The following GOT1 variants were observed in gnomAD, a reference collection of about 807,000 sequenced individuals.
GOT1 encodes aspartate aminotransferase, cytoplasmic.
GOT1 carries 25 observed loss-of-function variants against 48.2 expected under a neutral mutation model. The observed-to-expected ratio is 0.52, with a 90% CI of 0.38 to 0.72. The LOEUF (loss-of-function observed/expected upper bound fraction) is 0.72. GOT1 is among the 30% of genes least tolerant of loss of function. The probability of loss-of-function intolerance (pLI) is 0.00; values close to 1 mark genes in which losing one functional copy is unlikely to be tolerated. For missense variants in GOT1, 380 were observed against 520.1 expected (o/e 0.73, Z 2.62); for synonymous variants, 188 against 193.8 (o/e 0.97, Z 0.25).
chr10:99,415,169 G>C (rs903322450), intron 2 of GOT1, among the ~76,000 whole-genome samples: 2 of 150,944 alleles, frequency 1.3e-5, no homozygotes, highest in African/African-American at 4.9e-5. Context: ...TTTTTGAAAA[G>C]ATCAACAAAA....
At chr10:99,401,884 T>A (rs933016867) in intron 8 of GOT1, among the ~76,000 whole-genome samples, 1 of 151,842 alleles carries the variant, frequency 6.6e-6, no homozygotes, top group Non-Finnish European at 1.5e-5. Context: ...CTCGACTCAC[T>A]GCAAGCTCTG....
At chr10:99,409,196 G>A (rs186809640) in intron 2 of GOT1, among the ~76,000 whole-genome samples, 42 of 151,748 alleles carry the variant, frequency 2.8e-4, no homozygotes, top group African/African-American at 8.7e-4. Context: ...GCAGTGGCAC[G>A]ATCTTGGCTT....
Position 99,397,404 on chromosome 10 carries a change from G to A in GOT1, c.*143C>T. On this transcript the variant is annotated 3_prime_UTR_variant, in exon 9 of 9. Coordinates refer to ENST00000370508, the MANE Select transcript of GOT1 (RefSeq NM_002079.3). The surrounding 1 kb of genome is among the most constrained non-coding windows in gnomAD (Gnocchi z 5.4). ...GGGATGTTCTCTTCATGTGGGGCCGGTTTAAACAGAGGCTGCCTCACCAGA... is the reference window on the plus strand; with the variant it reads ...GGGATGTTCTCTTCATGTGGGGCCGATTTAAACAGAGGCTGCCTCACCAGA... 1 of 860,446 alleles carries A rather than the reference G, an allele frequency of 1.2e-6. No homozygotes were observed. The highest frequency in any genetic ancestry group is 1.9e-6 in the Non-Finnish European group (1 of 526,370). The allele number at this position is 860,446 out of a possible 1,614,324, so 53.3% of individuals were successfully genotyped here. A position where few individuals can be genotyped will look rare whatever the true frequency, so the allele number is the denominator to read the frequency against.
chr10:99,411,093 A>T (rs1418250910), intron 2 of GOT1, among the ~76,000 whole-genome samples: 1 of 152,256 alleles, frequency 6.6e-6, no homozygotes, highest in Non-Finnish European at 1.5e-5. Context: ...CATCTGGCAC[A>T]TGGTACTACA....
chr10:99,419,623 G>T lies in GOT1; in HGVS notation c.300+1001C>A, dbSNP rs371037153. Among the ~76,000 whole-genome samples the T allele has an allele frequency of 3.5e-4, 54 of 152,280 alleles. 1 individual carries two copies. In the South Asian group the frequency reaches 0.01, roughly 29 times the overall value. On this transcript the variant is annotated intron_variant, in intron 2 of 8. Transcript: ENST00000370508. ...GGGAGTATTTAAAAAATATGCCCATGGGGGAGAAGAAAAGGGAGTGAAAGA... is the reference window on the plus strand; with the variant it reads ...GGGAGTATTTAAAAAATATGCCCATTGGGGAGAAGAAAAGGGAGTGAAAGA...
intron 4 of GOT1, 104 bp downstream of exon 4, chr10:99,406,033 T>A (rs2032750459): frequency 8.5e-6 from 7 of 828,086 alleles, no homozygotes; most frequent in Non-Finnish European, 1.1e-5. Context: ...CCATCAGGTA[T>A]GGGGAAGGTG....
At chr10:99,422,900 C>T (rs1362620253) in intron 1 of GOT1, among the ~76,000 whole-genome samples, 1 of 152,202 alleles carries the variant, frequency 6.6e-6, no homozygotes, top group African/African-American at 2.4e-5. Flanking sequence ...TCTTGTTGGA[C>T]ATTTGAGTTG....
In GOT1 at chr10:99,417,551, A is replaced by G. The variant is rs2032911739; in HGVS notation, c.300+3073T>C. Reference sequence around the variant, plus strand: ...TCCTCAGGGATCTAGAACTAGAAATACCATTTTCCCAGCCATCCCATTACT... The same window carrying G: ...TCCTCAGGGATCTAGAACTAGAAATGCCATTTTCCCAGCCATCCCATTACT... On this transcript the variant is annotated intron_variant, in intron 2 of 8. Coordinates refer to ENST00000370508, the MANE Select transcript of GOT1 (RefSeq NM_002079.3). Among the ~76,000 whole-genome samples, 4 of 152,214 alleles carry G rather than the reference A, an allele frequency of 2.6e-5. No individual in the cohort carries two copies. In the South Asian group the frequency reaches 8.3e-4, roughly 32 times the overall value.
Position 99,409,119 on chromosome 10 carries a change from T to C in GOT1, c.301-2270A>G, listed in dbSNP as rs149888665. ...TTTGAAATGTTCCATAATAAAAAGG[T>C]TTTTTTTGTGTTTTTTTTTTGTTTG... On this transcript the variant is annotated intron_variant, in intron 2 of 8. Coordinates refer to ENST00000370508, the MANE Select transcript of GOT1 (RefSeq NM_002079.3). Among the ~76,000 whole-genome samples, 680 of 149,792 alleles carry C rather than the reference T, an allele frequency of 4.5e-3. 8 individuals carry two copies. The highest frequency in any genetic ancestry group is 0.016 in the African/African-American group (642 of 40,322).
rs199795176 is a variant in GOT1 at position 99,403,923 on chromosome 10, C to G, written c.643-49G>C. 142 of 1,588,532 alleles carry G rather than the reference C, an allele frequency of 8.9e-5. 3 individuals carry two copies. The East Asian group carries it at 3.0e-3, about 34-fold the overall frequency. Reference sequence around the variant, plus strand: ...GGGCAGGAAATCCTTCTGGCACCAACCTCAGACACCGGCCTTCCTTCCCCA... The same window carrying G: ...GGGCAGGAAATCCTTCTGGCACCAAGCTCAGACACCGGCCTTCCTTCCCCA... On this transcript the variant is annotated intron_variant, in intron 5 of 8. Coordinates refer to ENST00000370508, the MANE Select transcript of GOT1 (RefSeq NM_002079.3).
At chr10:99,420,440 A>G (rs527545168) in intron 2 of GOT1, 184 bp downstream of exon 2, 1 of 554,498 alleles carries the variant, frequency 1.8e-6, no homozygotes, top group East Asian at 3.0e-5. Context: ...GAACAAGTGA[A>G]AAAGCCGTGC....
chr10:99,412,532 C>T (rs748804267), intron 2 of GOT1, among the ~76,000 whole-genome samples: 4 of 151,540 alleles, frequency 2.6e-5, no homozygotes, highest in African/African-American at 4.8e-5. Context: ...GCTCAGAGCT[C>T]GAACAAAAGG....
intron 8 of GOT1, among the ~76,000 whole-genome samples, chr10:99,399,676 G>C (rs539518133): frequency 7.9e-5 from 12 of 152,268 alleles, no homozygotes; most frequent in African/African-American, 2.6e-4. Flanking sequence ...CGAAGGCTGA[G>C]GTGGGTGGAT....
chr10:99,422,956 G>T (rs2032990193), intron 1 of GOT1, among the ~76,000 whole-genome samples: 1 of 152,204 alleles, frequency 6.6e-6, no homozygotes, highest in Non-Finnish European at 1.5e-5. Context: ...GAACGACCCT[G>T]TACATACGTC....
At position 99,403,565 on chromosome 10, in the gene GOT1, A is replaced by G; in HGVS notation, c.863T>C (p.Met288Thr). 3 of 1,614,144 alleles carry G rather than the reference A, an allele frequency of 1.9e-6. No homozygotes were observed. Among genetic ancestry groups the G allele is most frequent in the Non-Finnish European group, 2.5e-6 (3 of 1,179,994 alleles). The part of the protein sequence containing the change: ...PESILQVLSQ[M>T]EKIVRITWSN... Reference sequence around the variant, plus strand: ...CCAAGTAATCCGCACGATCTTCTCCATCTGGGAAAGGACTTGCAGGATGCT... The same window carrying G: ...CCAAGTAATCCGCACGATCTTCTCCGTCTGGGAAAGGACTTGCAGGATGCT... Residue 288 changes from methionine (M) to threonine (T), a missense_variant, in exon 7 of 9, where the codon ATG becomes ACG. Coordinates refer to ENST00000370508, the MANE Select transcript of GOT1 (RefSeq NM_002079.3).
chr10:99,406,768 T>C lies in GOT1; in HGVS notation c.382A>G (p.Asn128Asp). Residue 128 changes from asparagine to aspartate, a missense_variant, in exon 3 of 9, where the codon AAC (asparagine) becomes GAC (aspartate). Physicochemically the swap from Asn to Asp is conservative, Grantham distance 23 (BLOSUM62 1). Coordinates refer to ENST00000370508, the MANE Select transcript of GOT1 (RefSeq NM_002079.3). ...ACATAGACAGGTGTGTTCTTGTTGT[T>C]TGTTCCATTGTACCAACGCGCTAAG... ...DFLARWYNGTNNKNTPVYVSS... is the reference protein window; with the variant it reads ...DFLARWYNGTDNKNTPVYVSS... The C allele has an allele frequency of 3.7e-6, 6 of 1,614,024 alleles. No individual in the cohort carries two copies. The highest frequency in any genetic ancestry group is 5.1e-6 in the Non-Finnish European group (6 of 1,179,936).
chr10:99,405,702 C>T (rs973591475), intron 5 of GOT1, 54 bp downstream of exon 5: 2 of 874,784 alleles, frequency 2.3e-6, no homozygotes, highest in African/African-American at 1.7e-5. Context: ...CTTCTACATA[C>T]ATTAAATAAG....
Position 99,430,386 on chromosome 10 carries a change from G to C in GOT1, c.118+62C>G, listed in dbSNP as rs541165813. ...CCTCGGCTTCTCCCACAGTCTCCAC[G>C]ACCTGGGTTGGGTCCGCTCCACTCC... On this transcript the variant is annotated intron_variant, in intron 1 of 8. Transcript: ENST00000370508. 53 of 1,606,082 alleles carry C rather than the reference G, an allele frequency of 3.3e-5. No individual in the cohort carries two copies. The South Asian group carries it at 5.9e-4, about 18-fold the overall frequency.
chr10:99,430,229 G>C, intron 1 of GOT1: 1 of 1,364,710 alleles, frequency 7.3e-7, no homozygotes, highest in Non-Finnish European at 1.0e-6. Flanking sequence ...CACCTGGTTT[G>C]TGCGGCCTCG....
Sources: gnomAD v4.1 joint callset for allele counts (sites outside exome capture counted in the v4.1 genomes callset) on GRCh38, gnomAD v4.1.1 for gene constraint, Gnocchi (gnomAD v3.1) non-coding constraint, MANE v1.5 for transcripts, NCBI Gene and HGNC (gene_info 2026-07-23, HGNC 2026-07-21) for gene names.